The following SHTN1 variants were observed in gnomAD, a reference collection of about 807,000 sequenced individuals.
The protein encoded by SHTN1 is shootin-1.
In SHTN1, 42 loss-of-function variants were observed where a neutral mutation model predicts 83.1. The observed-to-expected ratio is 0.51, with a 90% confidence interval of 0.39 to 0.65. The LOEUF (loss-of-function observed/expected upper bound fraction) is 0.65. Among genes scored for constraint, SHTN1 ranks in the 30% least tolerant of loss-of-function variants. The probability of loss-of-function intolerance (pLI) is 0.00; values close to 1 mark genes in which losing one functional copy is unlikely to be tolerated. For synonymous variants in SHTN1, 224 were observed against 247.7 expected (o/e 0.90, Z 0.90); for missense variants, 622 against 737.8 (o/e 0.84, Z 1.82).
chr10:117,112,977 C>A (rs1447088072), intron 1 of SHTN1, among the ~76,000 whole-genome samples: 1 of 152,094 alleles, frequency 6.6e-6, no homozygotes, highest in Non-Finnish European at 1.5e-5. Context: ...TGTTTTCATT[C>A]AAATAAAGAG....
chr10:116,926,394 A>G (rs933667642), intron 11 of SHTN1, among the ~76,000 whole-genome samples: 1 of 152,214 alleles, frequency 6.6e-6, no homozygotes, highest in Admixed American at 6.5e-5. Context: ...CAAATCCAGA[A>G]TATCTCCTAC....
chr10:117,060,224 AAAAATAAAAAT>A lies in SHTN1; in HGVS notation c.-188-11725_-188-11715del, dbSNP rs1322897697. 7.8e-4 allele frequency among the ~76,000 whole-genome samples: 118 copies of A among 152,174 alleles called. 2 individuals are homozygous for A. The highest frequency in any genetic ancestry group is 1.8e-4 in the Non-Finnish European group (12 of 68,030). ...AGCAACAGAGTAAGACCCTATCTCT[AAAAATAAAAAT>A]AAAATAAAAATATATATTGTGATTT... On this transcript the variant is annotated intron_variant, in intron 1 of 17. Transcript: ENST00000392901.
At chr10:116,958,374 A>G (rs188409140) in intron 4 of SHTN1, among the ~76,000 whole-genome samples, 225 of 152,314 alleles carry the variant, frequency 1.5e-3, no homozygotes, top group African/African-American at 5.0e-3. Context: ...AGTTCATACT[A>G]TATCTTCAAA....
intron 2 of SHTN1, among the ~76,000 whole-genome samples, chr10:117,029,869 C>CCTCT (rs1176548531): frequency 6.7e-6 from 1 of 149,598 alleles, no homozygotes; most frequent in Non-Finnish European, 1.5e-5. Flanking sequence ...TCCCTCCCTC[C>CCTCT]CTCTCTCTCT....
chr10:117,030,240 G>A (rs556162349), intron 2 of SHTN1, among the ~76,000 whole-genome samples: 11 of 152,200 alleles, frequency 7.2e-5, no homozygotes, highest in South Asian at 2.1e-4. Context: ...TGAGAATGAC[G>A]TAATACAACC....
At chr10:117,011,140 A>T (rs1852097396) in intron 2 of SHTN1, among the ~76,000 whole-genome samples, 1 of 152,256 alleles carries the variant, frequency 6.6e-6, no homozygotes, top group Non-Finnish European at 1.5e-5. Flanking sequence ...TTCACATATG[A>T]CATATAGCTA....
intron 1 of SHTN1, among the ~76,000 whole-genome samples, chr10:117,061,079 C>T (rs988277455): frequency 2.6e-5 from 4 of 151,976 alleles, no homozygotes; most frequent in East Asian, 1.9e-4. Context: ...TGTTGATACA[C>T]CATTATTATG....
rs559927845 is a variant in SHTN1, at chr10:117,095,342, C to T, written c.-189+30965G>A. Reference sequence around the variant, plus strand: ...AAATATAACAATGTTTCCATCCCCACCTATACTTCTGGCAATTACCATTTA... The same window carrying T: ...AAATATAACAATGTTTCCATCCCCATCTATACTTCTGGCAATTACCATTTA... On this transcript the variant is annotated intron_variant, in intron 1 of 17. Coordinates refer to the SHTN1 transcript ENST00000392901. Among the ~76,000 whole-genome samples, 3 of 152,316 alleles carry T rather than the reference C, an allele frequency of 2.0e-5. No homozygotes were observed. The East Asian group carries it at 5.8e-4, about 29-fold the overall frequency.
At chr10:117,067,689 C>T (rs528088170) in intron 1 of SHTN1, among the ~76,000 whole-genome samples, 1 of 152,066 alleles carries the variant, frequency 6.6e-6, no homozygotes, top group Non-Finnish European at 1.5e-5. Context: ...GGAGGAAGGA[C>T]TAGAAATGGT....
At chr10:116,977,630 G>A (rs1315985707) in intron 2 of SHTN1, among the ~76,000 whole-genome samples, 2 of 151,344 alleles carry the variant, frequency 1.3e-5, no homozygotes, top group African/African-American at 4.9e-5. Context: ...TAGAAATCAT[G>A]CCAAACTACT....
chr10:116,884,809 T>C lies in SHTN1; in HGVS notation c.*1535A>G, dbSNP rs139932699. ...ACAACTGACCCTTAATGGGAAACTATTGGTGCCTTTTTAATAAGTTGTGGT... is the reference window on the plus strand; with the variant it reads ...ACAACTGACCCTTAATGGGAAACTACTGGTGCCTTTTTAATAAGTTGTGGT... On this transcript the variant is annotated 3_prime_UTR_variant, in exon 17 of 17. Coordinates refer to ENST00000355371, the MANE Select transcript of SHTN1 (RefSeq NM_001127211.3). 5 of 155,970 alleles carry C rather than the reference T, an allele frequency of 3.2e-5. No homozygotes were observed. Among genetic ancestry groups the C allele is most frequent in the Non-Finnish European group, 5.7e-5 (4 of 70,106 alleles). 9.7% of individuals were successfully genotyped at this position (155,970 alleles called of 1,614,324 possible).
chr10:116,972,739 A>G (rs1295764591), intron 2 of SHTN1, among the ~76,000 whole-genome samples: 1 of 152,220 alleles, frequency 6.6e-6, no homozygotes, highest in Non-Finnish European at 1.5e-5. Flanking sequence ...TCACTTAATT[A>G]TGATGCCCAA....
chr10:116,925,233 G>A (rs1450053515), intron 11 of SHTN1, among the ~76,000 whole-genome samples: 2 of 152,178 alleles, frequency 1.3e-5, no homozygotes, highest in Non-Finnish European at 2.9e-5. Context: ...TAAAGCAGAT[G>A]GTCCTCCCTG....
Position 116,967,686 on chromosome 10 carries a change from A to G in SHTN1, c.172+966T>C, listed in dbSNP as rs150226791. 5.2e-3 allele frequency among the ~76,000 whole-genome samples: 792 copies of G among 152,304 alleles called. 10 individuals carry two copies. The highest frequency in any genetic ancestry group is 0.018 in the African/African-American group (754 of 41,554). On this transcript the variant is annotated intron_variant, in intron 3 of 16. Coordinates refer to ENST00000355371, the MANE Select transcript of SHTN1 (RefSeq NM_001127211.3). ...CACAGTATTATTAGCTATAGGCACA[A>G]TGCTCTATAGTGGATCTCCAGTGTA...
intron 16 of SHTN1, among the ~76,000 whole-genome samples, chr10:116,890,184 T>C (rs1412869463): frequency 1.1e-5 from 1 of 91,270 alleles, no homozygotes; most frequent in Admixed American, 1.1e-4. Flanking sequence ...TCTACTTTAA[T>C]GCAACCTCTA....
At chr10:116,911,622 C>T (rs1400723187) in intron 14 of SHTN1, 168 bp downstream of exon 14, 3 of 1,553,464 alleles carry the variant, frequency 1.9e-6, no homozygotes, top group Admixed American at 3.9e-5. Flanking sequence ...AAATTATTAA[C>T]ATATGTGATG....
At chr10:116,983,097 G>C (rs888861967) in intron 1 of SHTN1, among the ~76,000 whole-genome samples, 1 of 152,090 alleles carries the variant, frequency 6.6e-6, no homozygotes, top group African/African-American at 2.4e-5. Context: ...GGTTATATAG[G>C]ACAGTAATTA....
chr10:117,054,471 T>A (rs1036895383), intron 1 of SHTN1, among the ~76,000 whole-genome samples: 2 of 149,938 alleles, frequency 1.3e-5, no homozygotes, highest in Non-Finnish European at 3.0e-5. Flanking sequence ...AGTGGTGTGA[T>A]CTCGGCTCAC....
chr10:116,981,418 G>A (rs1051794675), intron 1 of SHTN1, among the ~76,000 whole-genome samples: 3 of 152,186 alleles, frequency 2.0e-5, no homozygotes, highest in South Asian at 2.1e-4. Flanking sequence ...CCCACCACAC[G>A]CACCGCAAGA....
Sources: gnomAD v4.1 joint callset for allele counts (sites outside exome capture counted in the v4.1 genomes callset) on GRCh38, gnomAD v4.1.1 for gene constraint, MANE v1.5 for transcripts, NCBI Gene and HGNC (gene_info 2026-07-23, HGNC 2026-07-21) for gene names.